Variants in PTPRK observed in about 807,000 individuals in gnomAD.
The protein encoded by PTPRK is receptor-type tyrosine-protein phosphatase kappa.
PTPRK carries 75 observed loss-of-function variants against 178.0 expected under a neutral mutation model. The observed-to-expected ratio is 0.42, with a 90% CI of 0.35 to 0.51. The LOEUF (loss-of-function observed/expected upper bound fraction) is 0.51. Among genes scored for constraint, PTPRK ranks in the 20% least tolerant of loss-of-function variants. PTPRK has a pLI of 0.02. For missense variants in PTPRK, 1,441 were observed against 1,797.8 expected (o/e 0.80, Z 3.59); for synonymous variants, 637 against 620.6 (o/e 1.03, Z -0.39).
chr6:128,391,775 T>C (rs1013568209), intron 2 of PTPRK, among the ~76,000 whole-genome samples: 2 of 151,868 alleles, frequency 1.3e-5, no homozygotes, highest in African/African-American at 4.8e-5. Context: ...TTCCATGGCA[T>C]ATATAATATT....
intron 14 of PTPRK, among the ~76,000 whole-genome samples, chr6:128,005,496 G>A (rs1321767989): frequency 2.6e-5 from 4 of 151,000 alleles, no homozygotes; most frequent in Non-Finnish European, 5.9e-5. Context: ...ATCATTTCCT[G>A]TTCTCTTAAA....
At chr6:128,081,189 C>T (rs1216420490) in intron 10 of PTPRK, among the ~76,000 whole-genome samples, 1 of 152,044 alleles carries the variant, frequency 6.6e-6, no homozygotes, top group East Asian at 1.9e-4. Flanking sequence ...ATCGTAACAT[C>T]ACCAAGTCTT....
intron 1 of PTPRK, among the ~76,000 whole-genome samples, chr6:128,456,976 T>C (rs1848473993): frequency 1.3e-5 from 2 of 152,130 alleles, no homozygotes; most frequent in Admixed American, 1.3e-4. Context: ...AACCCACCCC[T>C]GTAATCCAAA....
At chr6:128,091,991 A>T (rs1787050948) in intron 7 of PTPRK, among the ~76,000 whole-genome samples, 1 of 152,184 alleles carries the variant, frequency 6.6e-6, no homozygotes, top group African/African-American at 2.4e-5. Context: ...CAGAAAATGG[A>T]TAGGATTTAC....
At chr6:128,238,185 C>CAAAAAAAAAAAAAAAAAAAAAAAGAA in intron 5 of PTPRK, 2 of 203,784 alleles carry the variant, frequency 9.8e-6, no homozygotes, top group South Asian at 2.9e-5. Context: ...TAGCAAACGC[C>CAAAAAAAAAAAAAAAAAAAAAAAGAA]AAAAAAAAAA....
chr6:128,065,361 C>T (rs1349821717), intron 12 of PTPRK, among the ~76,000 whole-genome samples: 3 of 152,150 alleles, frequency 2.0e-5, no homozygotes, highest in African/African-American at 4.8e-5. Flanking sequence ...TAATTTTCCT[C>T]CTCTTGCTAG....
chr6:128,380,421 C>T (rs1837717584), intron 2 of PTPRK, among the ~76,000 whole-genome samples: 1 of 151,964 alleles, frequency 6.6e-6, no homozygotes, highest in Non-Finnish European at 1.5e-5. Context: ...AGGGCTGTGC[C>T]TTAGAGACCT....
At chr6:128,414,996 C>A (rs1412984202) in intron 1 of PTPRK, among the ~76,000 whole-genome samples, 1 of 152,196 alleles carries the variant, frequency 6.6e-6, no homozygotes, top group Non-Finnish European at 1.5e-5. Context: ...CAAGGTCAGA[C>A]AGCTATTAAT....
chr6:128,199,838 G>T (rs979403156), intron 6 of PTPRK, among the ~76,000 whole-genome samples: 35 of 152,136 alleles, frequency 2.3e-4, no homozygotes, highest in Non-Finnish European at 4.9e-4. Context: ...CAATGTACCA[G>T]ATCTTTTGAC....
chr6:128,259,788 A>G (rs930772683), intron 3 of PTPRK, among the ~76,000 whole-genome samples: 1 of 152,320 alleles, frequency 6.6e-6, no homozygotes, highest in South Asian at 2.1e-4. Flanking sequence ...CTAGCAGTTG[A>G]AGATATAACT....
intron 6 of PTPRK, 23 bp downstream of exon 6, chr6:128,218,899 A>G (rs774892355): frequency 1.8e-5 from 29 of 1,583,852 alleles, no homozygotes; most frequent in Non-Finnish European, 2.1e-5. Flanking sequence ...CAATTTCGTG[A>G]AGTGAAAACA....
intron 12 of PTPRK, among the ~76,000 whole-genome samples, chr6:128,065,949 T>A (rs1316979893): frequency 6.6e-6 from 1 of 152,238 alleles, no homozygotes; most frequent in East Asian, 1.9e-4. Flanking sequence ...GTTGCTATTC[T>A]GTACTTTGAT....
intron 1 of PTPRK, among the ~76,000 whole-genome samples, chr6:128,428,239 A>G (rs150650578): frequency 3.3e-4 from 51 of 152,370 alleles, no homozygotes; most frequent in African/African-American, 1.1e-3. Flanking sequence ...GACCGAGTCC[A>G]TTCTTCAACT....
At chr6:128,257,193 G>A (rs1324263814) in intron 3 of PTPRK, among the ~76,000 whole-genome samples, 1 of 150,538 alleles carries the variant, frequency 6.6e-6, no homozygotes, top group Non-Finnish European at 1.5e-5. Flanking sequence ...TCACGCCATT[G>A]CACTCCAGCC....
intron 3 of PTPRK, among the ~76,000 whole-genome samples, chr6:128,295,966 C>T (rs1824278216): frequency 6.6e-6 from 1 of 152,010 alleles, no homozygotes; most frequent in Admixed American, 6.6e-5. Flanking sequence ...CTCTAAAGAA[C>T]ATAAAAAACG....
chr6:128,335,246 T>C (rs1562305441), intron 2 of PTPRK, among the ~76,000 whole-genome samples: 1 of 152,126 alleles, frequency 6.6e-6, no homozygotes, highest in Non-Finnish European at 1.5e-5. Context: ...ATGTCTTAGA[T>C]ATAATAAAAG....
At position 127,985,810 on chromosome 6, in the gene PTPRK, C is replaced by G. The variant is rs371925835; in HGVS notation, c.3162G>C (p.Val1054=). ...AAAGCAGCCCTGTAGCATGGTAGGG[C>G]ACTCCATGGTCAGGCCAGCCCGTGA... is the stretch of plus-strand genomic sequence containing the variant. ...FHFTGWPDHG[V]PYHATGLLSF... is the part of the protein sequence containing the mutation. The change falls in exon 22 of 30, where the codon GTG becomes GTC. Residue 1054 remains valine, a synonymous_variant. Coordinates refer to ENST00000368226, the MANE Select transcript of PTPRK (RefSeq NM_002844.4). The G allele has an allele frequency of 1.2e-6, 2 of 1,613,978 alleles. No individual in the cohort carries two copies. Among genetic ancestry groups the G allele is most frequent in the South Asian group, 2.2e-5 (2 of 91,074 alleles).
intron 15 of PTPRK, among the ~76,000 whole-genome samples, chr6:128,004,340 A>G (rs2114702763): frequency 6.6e-6 from 1 of 152,008 alleles, no homozygotes; most frequent in East Asian, 1.9e-4. Flanking sequence ...ACTATAGAAC[A>G]GAATATAACA....
At chr6:127,975,618 T>C (rs1179344184) in intron 27 of PTPRK, among the ~76,000 whole-genome samples, 3 of 152,338 alleles carry the variant, frequency 2.0e-5, no homozygotes, top group South Asian at 4.1e-4. Flanking sequence ...TGAAAGTTAC[T>C]AATGTTTTCT....
Sources: gnomAD v4.1 joint callset for allele counts (sites outside exome capture counted in the v4.1 genomes callset) on GRCh38, gnomAD v4.1.1 for gene constraint, MANE v1.5 for transcripts, NCBI Gene and HGNC (gene_info 2026-07-23, HGNC 2026-07-21) for gene names.